The following RNF17 variants were observed in gnomAD, a reference collection of about 807,000 sequenced individuals.
RNF17 encodes the protein ring finger protein 17.
A neutral mutation model predicts 200.5 loss-of-function variants in RNF17; 31 were observed. The ratio of observed to expected loss-of-function variants is 0.15; its 90% confidence interval spans 0.12 to 0.21. The LOEUF is 0.21. Among genes scored for constraint, RNF17 ranks in the 10% least tolerant of loss-of-function variants. The pLI, the probability that RNF17 is intolerant of heterozygous loss-of-function variation, is 1.00. For synonymous variants in RNF17, 606 were observed against 637.8 expected (o/e 0.95, Z 0.75); for missense variants, 1,628 against 1,905.1 (o/e 0.85, Z 2.71).
At chr13:24,776,577 T>C (rs755383094) in intron 3 of RNF17, among the ~76,000 whole-genome samples, 6 of 152,158 alleles carry the variant, frequency 3.9e-5, no homozygotes, top group Non-Finnish European at 8.8e-5. Context: ...TTAGGATAGA[T>C]CTTTTAGAAT....
intron 9 of RNF17, 148 bp from the exon 10 acceptor site, chr13:24,792,894 T>C (rs569077807): frequency 1.3e-4 from 73 of 564,644 alleles, no homozygotes; most frequent in Non-Finnish European, 2.1e-4. Context: ...GTAGAATGGA[T>C]AAATAACTGG....
chr13:24,815,426 GGGGT>G (rs1463526486), intron 15 of RNF17, among the ~76,000 whole-genome samples: 12 of 126,078 alleles, frequency 9.5e-5, no homozygotes, highest in Non-Finnish European at 1.8e-4. Flanking sequence ...TAGCCCTAAC[GGGGT>G]GTGTGTGTGT....
At chr13:24,887,582 C>A in the RNF17 span, among the ~76,000 whole-genome samples, 12 of 152,276 alleles carry the variant, frequency 7.9e-5, no homozygotes, top group African/African-American at 2.9e-4. Context: ...CCAGATGGGA[C>A]CATCTAATTG....
At chr13:24,775,807 A>T (rs76239507) in intron 3 of RNF17, among the ~76,000 whole-genome samples, 1 of 152,096 alleles carries the variant, frequency 6.6e-6, no homozygotes, top group Non-Finnish European at 1.5e-5. Flanking sequence ...ATGCTTCTGT[A>T]TGTCTTTTCC....
intron 31 of RNF17, 24 bp downstream of exon 31, chr13:24,868,740 G>A: frequency 8.3e-7 from 1 of 1,205,960 alleles, no homozygotes; most frequent in African/African-American, 1.5e-5. Context: ...ATGATTAGTT[G>A]GTGATTAAAA....
chr13:24,859,054 G>GGTC lies in RNF17; in HGVS notation c.3665_3667dup (p.Gly1222_Leu1223insArg), dbSNP rs1892818595. 2 of 1,604,764 alleles carry GGTC rather than the reference G, an allele frequency of 1.2e-6. No individual in the cohort carries two copies. Among genetic ancestry groups the GGTC allele is most frequent in the Non-Finnish European group, 1.7e-6 (2 of 1,172,440 alleles). ...AATTCAAAGTAATTTAAAATGCCTTGGTCTTTTGGAGCCTTATTTCTGGAA... is the reference window on the plus strand; with the variant it reads ...AATTCAAAGTAATTTAAAATGCCTTGGTCGTCTTTTGGAGCCTTATTTCTGGAA... On this transcript the variant is annotated inframe_insertion, in exon 26 of 36. Coordinates refer to ENST00000255324, the MANE Select transcript of RNF17 (RefSeq NM_031277.3).
chr13:24,764,925 TGGTC>T (rs1009302969), intron 1 of RNF17, among the ~76,000 whole-genome samples: 10 of 133,552 alleles, frequency 7.5e-5, no homozygotes, highest in Non-Finnish European at 1.5e-4. Context: ...GTGTGTGTGT[TGGTC>T]TTTATACGTG....
intron 25 of RNF17, among the ~76,000 whole-genome samples, chr13:24,854,971 A>G (rs901611491): frequency 9.2e-5 from 14 of 152,150 alleles, no homozygotes; most frequent in African/African-American, 3.4e-4. Flanking sequence ...TTGCCACCCC[A>G]GATACAGCCA....
the RNF17 span, among the ~76,000 whole-genome samples, chr13:24,757,479 A>T: frequency 6.6e-6 from 1 of 152,072 alleles, no homozygotes; most frequent in Non-Finnish European, 1.5e-5. Context: ...GTGTGCCACC[A>T]TGCCTGGCTA....
At chr13:24,850,227 A>G (rs1891721359) in intron 22 of RNF17, 114 bp from the exon 23 acceptor site, 4 of 549,090 alleles carry the variant, frequency 7.3e-6, no homozygotes, top group Non-Finnish European at 9.5e-6. Context: ...TTTTTTTACT[A>G]CATATAGTTG....
chr13:24,880,120 T>G (rs7327399), downstream of RNF17, among the ~76,000 whole-genome samples: 152,284 of 152,286 alleles, frequency 1, 76,141 homozygotes, highest in Non-Finnish European at 1. Flanking sequence ...CTGCGACTGG[T>G]TAATTTAGAA....
At chr13:24,872,046 G>T (rs1311063323) in intron 32 of RNF17, among the ~76,000 whole-genome samples, 1 of 133,382 alleles carries the variant, frequency 7.5e-6, no homozygotes, top group African/African-American at 2.8e-5. Context: ...TTGGCTCACT[G>T]CAACCTTTGC....
downstream of RNF17, chr13:24,883,920 T>G (rs759093686): frequency 6.2e-7 from 1 of 1,612,946 alleles, no homozygotes; most frequent in Non-Finnish European, 8.5e-7. Context: ...GATGAACAGG[T>G]GTCACACTGA....
chr13:24,772,404 C>T (rs9581174), intron 2 of RNF17, among the ~76,000 whole-genome samples: 28,739 of 147,994 alleles, frequency 0.19, 3,043 homozygotes, highest in South Asian at 0.32. Flanking sequence ...TCTTTCTCTC[C>T]AGGAACCTGG....
chr13:24,763,742 A>C (rs540943688), upstream of RNF17, among the ~76,000 whole-genome samples: 2 of 152,230 alleles, frequency 1.3e-5, no homozygotes, highest in African/African-American at 4.8e-5. Flanking sequence ...CGTTCACTGA[A>C]TCTACCCCAA....
intron 32 of RNF17, among the ~76,000 whole-genome samples, chr13:24,871,539 T>C (rs960412077): frequency 2.0e-5 from 3 of 152,064 alleles, no homozygotes; most frequent in African/African-American, 7.2e-5. Flanking sequence ...GGTTTCCCCA[T>C]GTTAGCCAGG....
intron 3 of RNF17, among the ~76,000 whole-genome samples, chr13:24,775,745 C>T (rs908125859): frequency 6.6e-6 from 1 of 152,128 alleles, no homozygotes; most frequent in Non-Finnish European, 1.5e-5. Flanking sequence ...TTTTTAAATA[C>T]ACCCAGCCAG....
intron 5 of RNF17, among the ~76,000 whole-genome samples, chr13:24,780,421 G>T (rs183944832): frequency 4.0e-4 from 61 of 152,256 alleles, no homozygotes; most frequent in African/African-American, 1.4e-3. Flanking sequence ...TTAACTGGAG[G>T]TTAGGACTTC....
Position 24,845,092 on chromosome 13 carries a change from T to C in RNF17, c.3101+13T>C. ...TGGTTGACATAAGGTAGTTTTTAGC[T>C]GAGTAATTTTCTCATTATTTTAAAT... On this transcript the variant is annotated intron_variant, in intron 22 of 35. Transcript: ENST00000255324. The C allele has an allele frequency of 2.5e-6, 3 of 1,196,708 alleles. No individual in the cohort carries two copies. Among genetic ancestry groups the C allele is most frequent in the Non-Finnish European group, 2.4e-6 (2 of 817,112 alleles). 74.1% of individuals were successfully genotyped at this position (1,196,708 alleles called of 1,614,324 possible).
Sources: gnomAD v4.1 joint callset for allele counts (sites outside exome capture counted in the v4.1 genomes callset) on GRCh38, gnomAD v4.1.1 for gene constraint, MANE v1.5 for transcripts, NCBI Gene and HGNC (gene_info 2026-07-23, HGNC 2026-07-21) for gene names.